Variants in UNC5D observed in about 807,000 individuals in gnomAD.
UNC5D encodes unc-5 netrin receptor D.
UNC5D carries 39 observed loss-of-function variants against 105.4 expected under a neutral mutation model. The observed-to-expected ratio is 0.37, with a 90% CI of 0.29 to 0.48. The LOEUF (loss-of-function observed/expected upper bound fraction) is 0.48, where lower values mean the gene tolerates loss of function less well. Ranked by LOEUF, UNC5D falls within the 20% of genes least tolerant of loss-of-function variation. UNC5D has a pLI of 0.98. For synonymous variants in UNC5D, 452 were observed against 450.4 expected (o/e 1.00, Z -0.04); for missense variants, 991 against 1,202.4 (o/e 0.82, Z 2.60).
At chr8:35,519,007 G>A (rs902934169) in intron 1 of UNC5D, among the ~76,000 whole-genome samples, 2 of 152,044 alleles carry the variant, frequency 1.3e-5, no homozygotes, top group African/African-American at 2.4e-5. Context: ...ATTCCCTCTT[G>A]CTTTCTCCAG....
At chr8:35,293,451 CTTT>C (rs1807228709) in intron 1 of UNC5D, among the ~76,000 whole-genome samples, 1 of 152,182 alleles carries the variant, frequency 6.6e-6, no homozygotes, top group South Asian at 2.1e-4. Context: ...GGCACTACTT[CTTT>C]TATGTCTTCC....
At chr8:35,412,016 A>G (rs950158986) in intron 1 of UNC5D, among the ~76,000 whole-genome samples, 3 of 152,058 alleles carry the variant, frequency 2.0e-5, no homozygotes, top group Admixed American at 6.6e-5. Flanking sequence ...CAAAATGAAC[A>G]CAACATCTTT....
chr8:35,442,932 AC>A (rs1465199030), intron 1 of UNC5D, among the ~76,000 whole-genome samples: 17 of 148,528 alleles, frequency 1.1e-4, no homozygotes, highest in African/African-American at 4.2e-4. Flanking sequence ...ACACACACAC[AC>A]ACAACACACA....
chr8:35,689,990 C>T (rs1003383180), intron 7 of UNC5D, among the ~76,000 whole-genome samples: 1 of 152,128 alleles, frequency 6.6e-6, no homozygotes, highest in African/African-American at 2.4e-5. Context: ...GGAAGATAGG[C>T]TTGGAATGTG....
intron 1 of UNC5D, among the ~76,000 whole-genome samples, chr8:35,354,921 T>A (rs1376310803): frequency 6.6e-6 from 1 of 152,152 alleles, no homozygotes. Context: ...CTAAATGGTC[T>A]TTCCATGTGG....
At chr8:35,367,151 A>G (rs921687686) in intron 1 of UNC5D, among the ~76,000 whole-genome samples, 5 of 152,162 alleles carry the variant, frequency 3.3e-5, no homozygotes, top group Admixed American at 1.3e-4. Flanking sequence ...AGCATTTCCA[A>G]CTTGATCATG....
chr8:35,305,577 T>TTTTCTTTCTC (rs1808286572), intron 1 of UNC5D, among the ~76,000 whole-genome samples: 1 of 53,998 alleles, frequency 1.9e-5, no homozygotes, highest in African/African-American at 6.6e-5. Context: ...CTTTCTTTCT[T>TTTTCTTTCTC]TTTCTTTCTT....
intron 1 of UNC5D, among the ~76,000 whole-genome samples, chr8:35,329,160 G>T (rs1810404437): frequency 6.6e-6 from 1 of 151,850 alleles, no homozygotes; most frequent in South Asian, 2.1e-4. Flanking sequence ...CTTCTCTCTT[G>T]TACAGGAAAT....
chr8:35,510,927 C>G (rs2978599), intron 1 of UNC5D, among the ~76,000 whole-genome samples: 1 of 152,144 alleles, frequency 6.6e-6, no homozygotes, highest in South Asian at 2.1e-4. Flanking sequence ...GTAAAATTTA[C>G]TAATTTGGAC....
intron 1 of UNC5D, among the ~76,000 whole-genome samples, chr8:35,362,936 A>G (rs1801930731): frequency 6.6e-6 from 1 of 152,110 alleles, no homozygotes. Flanking sequence ...CAACCCATAA[A>G]TCCACAAATC....
intron 1 of UNC5D, among the ~76,000 whole-genome samples, chr8:35,478,480 C>A (rs1040879525): frequency 6.6e-5 from 10 of 152,138 alleles, no homozygotes; most frequent in African/African-American, 2.4e-4. Context: ...GCAAATTTAG[C>A]TTTACATATC....
At position 35,502,716 on chromosome 8, in the gene UNC5D, GC is replaced by G. The variant is rs1334623304; in HGVS notation, c.104-46573del. Reference sequence around the variant, plus strand: ...TGGGACTACAGGTGCACACCACCATGCCCGGCTAATTTTTTTTTTTTTGTAT... The same window carrying G: ...TGGGACTACAGGTGCACACCACCATGCCGGCTAATTTTTTTTTTTTTGTAT... On this transcript the variant is annotated intron_variant, in intron 1 of 16. Coordinates refer to ENST00000404895, the MANE Select transcript of UNC5D (RefSeq NM_080872.4). Among the ~76,000 whole-genome samples the G allele has an allele frequency of 3.4e-5, 5 of 148,774 alleles. 1 individual carries two copies. The Middle Eastern group carries it at 0.01, about 312-fold the overall frequency.
At chr8:35,431,927 A>G (rs1342945212) in intron 1 of UNC5D, among the ~76,000 whole-genome samples, 3 of 152,166 alleles carry the variant, frequency 2.0e-5, no homozygotes, top group Non-Finnish European at 4.4e-5. Context: ...AATGACAGAA[A>G]CTAAACAATT....
intron 1 of UNC5D, among the ~76,000 whole-genome samples, chr8:35,491,166 A>T (rs1311637430): frequency 2.0e-5 from 3 of 152,128 alleles, no homozygotes; most frequent in Non-Finnish European, 4.4e-5. Flanking sequence ...CTGCTGAGTG[A>T]ATTGTAAAAG....
intron 1 of UNC5D, among the ~76,000 whole-genome samples, chr8:35,546,461 G>A (rs886532786): frequency 3.3e-5 from 5 of 152,116 alleles, no homozygotes; most frequent in South Asian, 2.1e-4. Context: ...GTATTCATGC[G>A]TTGTTACTAG....
intron 1 of UNC5D, among the ~76,000 whole-genome samples, chr8:35,492,099 T>C (rs767211502): frequency 1.1e-3 from 165 of 151,700 alleles, no homozygotes; most frequent in Non-Finnish European, 1.8e-3. Flanking sequence ...TTTTCTTCTT[T>C]TTTTTTTTTT....
chr8:35,667,472 C>T lies in UNC5D; in HGVS notation c.571-16075C>T, dbSNP rs188102639. Among the ~76,000 whole-genome samples the T allele has an allele frequency of 4.5e-4, 68 of 152,250 alleles. 1 individual carries two copies. Among genetic ancestry groups the T allele is most frequent in the Non-Finnish European group, 8.4e-4 (57 of 68,006 alleles). On this transcript the variant is annotated intron_variant, in intron 4 of 16. Transcript: ENST00000404895. ...TTGTCCTGGAACTAAAAAGTTTCTT[C>T]TACTGACAACTAACTGGCCAGAACT...
intron 1 of UNC5D, among the ~76,000 whole-genome samples, chr8:35,406,464 C>T (rs933434093): frequency 1.2e-4 from 18 of 152,238 alleles, no homozygotes; most frequent in East Asian, 7.7e-4. Context: ...ACTTAGCTAC[C>T]TTAATTTTCC....
At chr8:35,568,907 CTG>C (rs539701803) in intron 3 of UNC5D, among the ~76,000 whole-genome samples, 33 of 152,236 alleles carry the variant, frequency 2.2e-4, no homozygotes, top group African/African-American at 7.7e-4. Context: ...TGAGCAATGA[CTG>C]TTTACTTTCC....
Sources: gnomAD v4.1 joint callset for allele counts (sites outside exome capture counted in the v4.1 genomes callset) on GRCh38, gnomAD v4.1.1 for gene constraint, MANE v1.5 for transcripts, NCBI Gene and HGNC (gene_info 2026-07-23, HGNC 2026-07-21) for gene names.